The following PLCB1 variants were observed in gnomAD, a reference collection of about 807,000 sequenced individuals.
PLCB1 encodes the protein 1-phosphatidylinositol 4,5-bisphosphate phosphodiesterase beta-1.
In PLCB1, 46 loss-of-function variants were observed where a neutral mutation model predicts 161.8. That is an observed-to-expected ratio of 0.28 (90% CI 0.22 to 0.36). The LOEUF is 0.36. PLCB1 is among the 10% of genes least tolerant of loss of function. The pLI, the probability that PLCB1 is intolerant of heterozygous loss-of-function variation, is 1.00. For missense variants in PLCB1, 1,016 were observed against 1,472.5 expected, an observed-to-expected ratio of 0.69 and a Z score of 5.07; for synonymous variants, 517 against 503.7, an observed-to-expected ratio of 1.03 and a Z score of -0.35.
At chr20:8,195,345 G>T (rs1235602625) in intron 2 of PLCB1, among the ~76,000 whole-genome samples, 1 of 152,008 alleles carries the variant, frequency 6.6e-6, no homozygotes, top group Non-Finnish European at 1.5e-5. Context: ...GGGCCACTGA[G>T]GGGTGATTAG....
intron 3 of PLCB1, among the ~76,000 whole-genome samples, chr20:8,383,633 G>A (rs1020788565): frequency 6.6e-6 from 1 of 152,110 alleles, no homozygotes; most frequent in Non-Finnish European, 1.5e-5. Flanking sequence ...AGTGTCATTC[G>A]TCTTTATATT....
At chr20:8,290,266 G>T (rs1187700296) in intron 2 of PLCB1, among the ~76,000 whole-genome samples, 1 of 152,212 alleles carries the variant, frequency 6.6e-6, no homozygotes, top group Admixed American at 6.5e-5. Context: ...GTTCCCCCAG[G>T]AGGAGATTCC....
intron 2 of PLCB1, among the ~76,000 whole-genome samples, chr20:8,286,142 T>C (rs1057112006): frequency 3.9e-5 from 6 of 152,176 alleles, no homozygotes; most frequent in African/African-American, 1.4e-4. Flanking sequence ...CTGGCCAGCA[T>C]GGCTAAACCC....
chr20:8,784,155 T>C (rs1246754544), intron 27 of PLCB1, among the ~76,000 whole-genome samples: 1 of 152,214 alleles, frequency 6.6e-6, no homozygotes, highest in Admixed American at 6.5e-5. Flanking sequence ...CTATTTAATA[T>C]TAACAAAATC....
chr20:8,248,065 G>A (rs1980969093), intron 2 of PLCB1, among the ~76,000 whole-genome samples: 1 of 151,868 alleles, frequency 6.6e-6, no homozygotes, highest in Non-Finnish European at 1.5e-5. Flanking sequence ...TATGTGCAGG[G>A]GATTTATTAG....
chr20:8,539,749 C>G (rs574807622), intron 3 of PLCB1, among the ~76,000 whole-genome samples: 2 of 142,366 alleles, frequency 1.4e-5, no homozygotes, highest in South Asian at 4.5e-4. Flanking sequence ...TCTCTTTTTT[C>G]TGTCCTCTTT....
chr20:8,460,100 C>T (rs1306334168), intron 3 of PLCB1, among the ~76,000 whole-genome samples: 1 of 152,180 alleles, frequency 6.6e-6, no homozygotes, highest in Non-Finnish European at 1.5e-5. Context: ...AATGATTCTA[C>T]TAAACTCTAG....
At chr20:8,150,227 A>G in intron 1 of PLCB1, 67 bp from the exon 2 acceptor site, 1 of 674,528 alleles carries the variant, frequency 1.5e-6, no homozygotes, top group East Asian at 2.8e-5. Context: ...TACTTCTTAA[A>G]TAACTCCTGG....
chr20:8,621,629 A>C (rs962049259), intron 3 of PLCB1, among the ~76,000 whole-genome samples: 2 of 152,248 alleles, frequency 1.3e-5, no homozygotes, highest in African/African-American at 4.8e-5. Flanking sequence ...ACTGCCTAAA[A>C]TATCGCTAAA....
chr20:8,545,120 T>C (rs8119707), intron 3 of PLCB1, among the ~76,000 whole-genome samples: 8,902 of 152,162 alleles, frequency 0.059, 497 homozygotes, highest in East Asian at 0.3. Context: ...ATTAACGCAA[T>C]GGAGTTAGAT....
At chr20:8,823,712 C>G (rs905992001) in intron 31 of PLCB1, among the ~76,000 whole-genome samples, 2 of 152,124 alleles carry the variant, frequency 1.3e-5, no homozygotes, top group African/African-American at 4.8e-5. Flanking sequence ...ATGGAATGCT[C>G]TGATTCAATT....
intron 3 of PLCB1, among the ~76,000 whole-genome samples, chr20:8,600,475 G>A (rs1159670928): frequency 6.0e-5 from 9 of 150,136 alleles, no homozygotes; most frequent in Admixed American, 2.7e-4. Flanking sequence ...CTCCAGCTGC[G>A]TGCTGGGAGA....
At chr20:8,510,324 G>A (rs559162427) in intron 3 of PLCB1, among the ~76,000 whole-genome samples, 3 of 150,928 alleles carry the variant, frequency 2.0e-5, no homozygotes, top group East Asian at 1.9e-4. Flanking sequence ...TATTTACAAC[G>A]AAATTAATTT....
At chr20:8,146,501 G>A (rs2051455938) in intron 1 of PLCB1, among the ~76,000 whole-genome samples, 1 of 152,168 alleles carries the variant, frequency 6.6e-6, no homozygotes, top group Non-Finnish European at 1.5e-5. Flanking sequence ...ATTCAGTCAG[G>A]GATTTTTATA....
rs567418818 is a variant in PLCB1, at chr20:8,844,901, G to A, written c.3424-36721G>A. 3.9e-5 allele frequency among the ~76,000 whole-genome samples: 6 copies of A among 152,162 alleles called. No individual in the cohort carries two copies. In the South Asian group the frequency reaches 1.2e-3, roughly 32 times the overall value. On this transcript the variant is annotated intron_variant, in intron 31 of 31. Coordinates refer to ENST00000338037, the MANE Select transcript of PLCB1 (RefSeq NM_015192.4). Reference sequence around the variant, plus strand: ...CGAGGCGGGCGGATCACGAGATCAGGAGATTGAGACCATCCTGGCTAACAT... The same window carrying A: ...CGAGGCGGGCGGATCACGAGATCAGAAGATTGAGACCATCCTGGCTAACAT...
intron 3 of PLCB1, among the ~76,000 whole-genome samples, chr20:8,411,364 C>T (rs1347507169): frequency 6.6e-6 from 1 of 152,100 alleles, no homozygotes; most frequent in Non-Finnish European, 1.5e-5. Context: ...TGCCTCTTTA[C>T]CTTTTTAAAA....
intron 2 of PLCB1, among the ~76,000 whole-genome samples, chr20:8,199,869 C>G (rs1311152265): frequency 6.6e-6 from 1 of 151,760 alleles, no homozygotes; most frequent in African/African-American, 2.4e-5. Flanking sequence ...TTATTTTATC[C>G]TCATAAAATT....
intron 2 of PLCB1, among the ~76,000 whole-genome samples, chr20:8,364,281 A>G (rs1218645924): frequency 1.3e-5 from 2 of 152,330 alleles, no homozygotes; most frequent in South Asian, 2.1e-4. Context: ...GTTATCTTCC[A>G]CATTATCTGC....
intron 2 of PLCB1, among the ~76,000 whole-genome samples, chr20:8,212,742 CCT>C (rs1978897901): frequency 6.6e-6 from 1 of 152,084 alleles, no homozygotes; most frequent in Admixed American, 6.6e-5. Context: ...TATTTATTTG[CCT>C]CTCGAAGGAC....
Sources: gnomAD v4.1 joint callset for allele counts (sites outside exome capture counted in the v4.1 genomes callset) on GRCh38, gnomAD v4.1.1 for gene constraint, MANE v1.5 for transcripts, NCBI Gene and HGNC (gene_info 2026-07-23, HGNC 2026-07-21) for gene names.